The following GABRB1 variants were observed in gnomAD, a reference collection of about 807,000 sequenced individuals.
The protein encoded by GABRB1 is gamma-aminobutyric acid receptor subunit beta-1.
GABRB1 carries 17 observed loss-of-function variants against 51.6 expected under a neutral mutation model. That is an observed-to-expected ratio of 0.33 (90% CI 0.23 to 0.49). The LOEUF (loss-of-function observed/expected upper bound fraction) is 0.49, where lower values mean the gene tolerates loss of function less well. Among genes scored for constraint, GABRB1 ranks in the 20% least tolerant of loss-of-function variants. The pLI, the probability that GABRB1 is intolerant of heterozygous loss-of-function variation, is 0.99. For missense variants in GABRB1, 410 were observed against 600.6 expected (o/e 0.68, Z 3.32); for synonymous variants, 247 against 218.9 (o/e 1.13, Z -1.14).
intron 3 of GABRB1, among the ~76,000 whole-genome samples, chr4:47,033,414 G>A (rs1359162604): frequency 6.6e-6 from 1 of 152,082 alleles, no homozygotes; most frequent in Admixed American, 6.6e-5. Flanking sequence ...GTTGCTTCTC[G>A]TAAGACGGAA....
intron 4 of GABRB1, among the ~76,000 whole-genome samples, chr4:47,287,216 T>C (rs182640346): frequency 1.2e-4 from 18 of 152,352 alleles, no homozygotes; most frequent in African/African-American, 4.3e-4. Context: ...CACCCTATCA[T>C]AAATGTAGCT....
At chr4:47,144,135 TAAG>T (rs1441328653) in intron 3 of GABRB1, among the ~76,000 whole-genome samples, 1 of 151,962 alleles carries the variant, frequency 6.6e-6, no homozygotes, top group African/African-American at 2.4e-5. Flanking sequence ...ATGCTACAGA[TAAG>T]AAGAAGTGCC....
At chr4:47,219,575 G>A (rs1720691252) in intron 4 of GABRB1, among the ~76,000 whole-genome samples, 2 of 151,764 alleles carry the variant, frequency 1.3e-5, no homozygotes, top group Non-Finnish European at 2.9e-5. Context: ...TTTGGCTTGT[G>A]TTATTCCCTT....
intron 3 of GABRB1, among the ~76,000 whole-genome samples, chr4:47,134,190 C>T (rs1180915176): frequency 6.6e-6 from 1 of 152,082 alleles, no homozygotes; most frequent in African/African-American, 2.4e-5. Context: ...AATTAGTTGT[C>T]TCTAGTTGTA....
At chr4:47,178,287 T>C (rs1285288464) in intron 4 of GABRB1, among the ~76,000 whole-genome samples, 8 of 152,130 alleles carry the variant, frequency 5.3e-5, no homozygotes, top group African/African-American at 1.9e-4. Flanking sequence ...GTTAAGAGTC[T>C]ATCTCTTTAA....
At chr4:47,170,481 A>T (rs1718395045) in intron 4 of GABRB1, among the ~76,000 whole-genome samples, 1 of 152,032 alleles carries the variant, frequency 6.6e-6, no homozygotes, top group South Asian at 2.1e-4. Context: ...AATGTCTAAC[A>T]TTAGCTCTCT....
In GABRB1 at chr4:47,083,138, A is replaced by G. The variant is rs186231268; in HGVS notation, c.240+50654A>G. Among the ~76,000 whole-genome samples the G allele has an allele frequency of 3.3e-3, 500 of 152,280 alleles. 1 individual carries two copies. The highest frequency in any genetic ancestry group is 5.6e-3 in the Non-Finnish European group (378 of 67,988). ...CTTCTAACAAGCTTTTTGCAAGCAC[A>G]CCAGAATAAACACAACATTGGATAA... On this transcript the variant is annotated intron_variant, in intron 3 of 8. Transcript: ENST00000295454.
chr4:47,268,714 A>T (rs993381545), intron 4 of GABRB1, among the ~76,000 whole-genome samples: 2 of 152,198 alleles, frequency 1.3e-5, no homozygotes, highest in African/African-American at 4.8e-5. Context: ...AAAGCAAGAG[A>T]ATAAATACAA....
chr4:47,004,770 T>C (rs1379006691), intron 1 of GABRB1, among the ~76,000 whole-genome samples: 1 of 152,184 alleles, frequency 6.6e-6, no homozygotes, highest in Non-Finnish European at 1.5e-5. Context: ...TAATCCAGAA[T>C]TGGTTTTATT....
intron 3 of GABRB1, among the ~76,000 whole-genome samples, chr4:47,147,765 CAAG>C (rs1717238816): frequency 6.6e-6 from 1 of 151,934 alleles, no homozygotes; most frequent in Non-Finnish European, 1.5e-5. Flanking sequence ...TGTTCCAGAC[CAAG>C]AAGATTTTAT....
chr4:47,147,620 G>A lies in GABRB1; in HGVS notation c.241-13629G>A, dbSNP rs147470748. On this transcript the variant is annotated intron_variant, in intron 3 of 8. Transcript: ENST00000295454. ...GCCATGATGACAGCCTACTGTGGGAGCACGTCGGAAGGGCCAAACCCAGAC... is the reference window on the plus strand; with the variant it reads ...GCCATGATGACAGCCTACTGTGGGAACACGTCGGAAGGGCCAAACCCAGAC... Among the ~76,000 whole-genome samples, 106 of 152,214 alleles carry A rather than the reference G, an allele frequency of 7.0e-4. 1 individual carries two copies. In the East Asian group the frequency reaches 0.017, roughly 25 times the overall value.
rs1452678905 is a variant in GABRB1 at position 47,425,700 on chromosome 4, C to T, written c.1107C>T (p.Leu369=). The part of the protein sequence containing the change: ...VQVDAHGNIL[L]STLEIRNETS... ...TCGACGCCCACGGTAACATTCTCCTCAGCACCCTGGAAATCCGGAATGAGA... is the reference window on the plus strand; with the variant it reads ...TCGACGCCCACGGTAACATTCTCCTTAGCACCCTGGAAATCCGGAATGAGA... Residue 369 remains leucine (L), a synonymous_variant, in exon 9 of 9, where the codon CTC becomes CTT. Transcript: ENST00000295454. 1.2e-6 allele frequency: 2 copies of T among 1,612,446 alleles called. No individual in the cohort carries two copies. Among genetic ancestry groups the T allele is most frequent in the Admixed American group, 3.3e-5 (2 of 59,858 alleles).
intron 3 of GABRB1, among the ~76,000 whole-genome samples, chr4:47,049,075 A>C (rs1049833450): frequency 7.2e-5 from 11 of 151,964 alleles, no homozygotes; most frequent in Non-Finnish European, 1.6e-4. Context: ...AAAAAAAAAA[A>C]AAAACTGTTG....
In GABRB1 at chr4:47,398,701, C is replaced by T. The variant is rs113793001; in HGVS notation, c.545-4617C>T. ...CCAGGTTCACGCCATTCTCCTGCCT[C>T]AGCCTCGCGAGTAGCTGGGACTGCA... On this transcript the variant is annotated intron_variant, in intron 5 of 8. Transcript: ENST00000295454. Among the ~76,000 whole-genome samples the T allele has an allele frequency of 5.1e-4, 78 of 152,384 alleles. 1 individual carries two copies. Among genetic ancestry groups the T allele is most frequent in the African/African-American group, 1.8e-3 (73 of 41,598 alleles).
intron 3 of GABRB1, among the ~76,000 whole-genome samples, chr4:47,112,749 G>C (rs1424555887): frequency 2.2e-5 from 3 of 133,460 alleles, no homozygotes; most frequent in Non-Finnish European, 5.2e-5. Flanking sequence ...TAAGCACAGT[G>C]AAATAAAAAA....
intron 4 of GABRB1, among the ~76,000 whole-genome samples, chr4:47,233,194 G>C (rs1270227187): frequency 6.6e-6 from 1 of 152,028 alleles, no homozygotes; most frequent in Non-Finnish European, 1.5e-5. Flanking sequence ...TTTTGTCTAT[G>C]TTTTCATAAC....
chr4:47,183,119 G>T (rs372510774), intron 4 of GABRB1, among the ~76,000 whole-genome samples: 1 of 151,416 alleles, frequency 6.6e-6, no homozygotes, highest in African/African-American at 2.4e-5. Flanking sequence ...AGGGTGTTTC[G>T]TTTAAGGAGA....
chr4:47,070,132 C>T (rs985215315), intron 3 of GABRB1, among the ~76,000 whole-genome samples: 1 of 151,640 alleles, frequency 6.6e-6, no homozygotes, highest in Non-Finnish European at 1.5e-5. Context: ...GCCTTCTGAG[C>T]TCAAGCCATT....
chr4:47,338,503 A>T, intron 5 of GABRB1, among the ~76,000 whole-genome samples: 1 of 152,170 alleles, frequency 6.6e-6, no homozygotes, highest in East Asian at 1.9e-4. Flanking sequence ...ATTAAATTCC[A>T]ATGTGCTTTT....
Sources: allele counts gnomAD v4.1 joint callset (sites outside exome capture counted in the v4.1 genomes callset), GRCh38; gene constraint gnomAD v4.1.1; transcripts MANE v1.5; gene names NCBI Gene and HGNC (gene_info 2026-07-23, HGNC 2026-07-21).